The following ADAM17 variants were observed in gnomAD, a reference collection of about 807,000 sequenced individuals.
ADAM17 encodes the protein disintegrin and metalloproteinase domain-containing protein 17.
A neutral mutation model predicts 96.7 loss-of-function variants in ADAM17; 39 were observed. That is an observed-to-expected ratio of 0.40 (90% CI 0.31 to 0.53). ADAM17 has a LOEUF of 0.53. Among genes scored for constraint, ADAM17 ranks in the 20% least tolerant of loss-of-function variants. The probability of loss-of-function intolerance (pLI) is 0.44; values close to 1 mark genes in which losing one functional copy is unlikely to be tolerated. For missense variants in ADAM17, 777 were observed against 1,013.2 expected (o/e 0.77, Z 3.17); for synonymous variants, 344 against 359.2 (o/e 0.96, Z 0.48).
intron 11 of ADAM17, among the ~76,000 whole-genome samples, chr2:9,508,616 T>G (rs1663550670): frequency 6.6e-6 from 1 of 152,214 alleles, no homozygotes; most frequent in Non-Finnish European, 1.5e-5. Flanking sequence ...AGGCAAACAT[T>G]ATTAAAAATT....
chr2:9,505,334 T>C lies in ADAM17; in HGVS notation c.1376A>G (p.Tyr459Cys), dbSNP rs201873770. 1.6e-5 allele frequency: 26 copies of C among 1,614,166 alleles called. No homozygotes were observed. Among genetic ancestry groups the C allele is most frequent in the Non-Finnish European group, 2.1e-5 (25 of 1,180,022 alleles). The change falls in exon 12 of 19, where the codon TAT becomes TGT. Residue 459 changes from tyrosine to cysteine, a missense_variant. Physicochemically the swap from Tyr to Cys is radical, Grantham distance 194. This residue lies in a region of ADAM17 where 446 missense variants were observed against 664.7 expected (regional missense o/e 0.67). Transcript: ENST00000310823. ...MFSNCSKQSI[Y>C]KTIESKAQEC... ...CTGGGCCTTACTTTCAATGGTCTTA[T>C]AGATTGATTGTTTACTGCAGTTTGA...
At chr2:9,532,638 A>ATTTTTTTTTTT (rs70948827) in intron 4 of ADAM17, among the ~76,000 whole-genome samples, 1 of 114,284 alleles carries the variant, frequency 8.8e-6, no homozygotes, top group African/African-American at 3.6e-5. Context: ...TGCCCAGCTA[A>ATTTTTTTTTTT]TTTTTTTTTT....
At chr2:9,514,518 AATATATATATATATATATAT>A (rs70948826) in intron 10 of ADAM17, among the ~76,000 whole-genome samples, 4,562 of 89,770 alleles carry the variant, frequency 0.051, 426 homozygotes, top group East Asian at 0.38. Context: ...TTAAAATATA[AATATATATATATATATATAT>A]ATATATATAT....
At chr2:9,493,508 G>A (rs1222473810) in intron 16 of ADAM17, among the ~76,000 whole-genome samples, 1 of 152,168 alleles carries the variant, frequency 6.6e-6, no homozygotes. Flanking sequence ...GGTAAAGAAG[G>A]AAGCCAGTAT....
In ADAM17 at chr2:9,490,448, G is replaced by A; in HGVS notation, c.2204C>T (p.Thr735Ile). Residue 735 changes from threonine to isoleucine, a missense_variant, in exon 19 of 19, where the codon ACT becomes ATT. Thr to Ile is a moderately conservative substitution (Grantham distance 89, BLOSUM62 -1). Coordinates refer to ENST00000310823, the MANE Select transcript of ADAM17 (RefSeq NM_003183.6). ...RIIKPFPAPQ[T>I]PGRLQPAPVI... ...AGGGGCAGGCTGCAGGCGGCCTGGAGTCTGGGGCGCAGGAAAGGGTTTGAT... is the reference window on the plus strand; with the variant it reads ...AGGGGCAGGCTGCAGGCGGCCTGGAATCTGGGGCGCAGGAAAGGGTTTGAT... The A allele has an allele frequency of 6.2e-7, 1 of 1,614,180 alleles. No homozygotes were observed. Among genetic ancestry groups the A allele is most frequent in the East Asian group, 2.2e-5 (1 of 44,876 alleles).
Position 9,489,898 on chromosome 2 carries a change from A to T in ADAM17, c.*279T>A, listed in dbSNP as rs1661970574. 2 of 358,604 alleles carry T rather than the reference A, an allele frequency of 5.6e-6. No individual in the cohort carries two copies. The highest frequency in any genetic ancestry group is 4.2e-5 in the Admixed American group (1 of 24,030). 22.2% of individuals were successfully genotyped at this position (358,604 alleles called of 1,614,324 possible). On this transcript the variant is annotated 3_prime_UTR_variant, in exon 19 of 19. Transcript: ENST00000310823. ...CAAAAACGTAAATATTCATAACCCAATCCAGCTGTATTTTCTGCTTTTGCA... is the reference window on the plus strand; with the variant it reads ...CAAAAACGTAAATATTCATAACCCATTCCAGCTGTATTTTCTGCTTTTGCA...
chr2:9,548,492 A>G (rs1481592308), intron 1 of ADAM17, among the ~76,000 whole-genome samples: 2 of 152,092 alleles, frequency 1.3e-5, no homozygotes, highest in African/African-American at 4.8e-5. Flanking sequence ...TAAAAAAAAA[A>G]AAAAGAAAAC....
intron 10 of ADAM17, among the ~76,000 whole-genome samples, chr2:9,511,087 C>T (rs1185185916): frequency 6.6e-6 from 1 of 152,044 alleles, no homozygotes; most frequent in African/African-American, 2.4e-5. Flanking sequence ...ACATGCCCCT[C>T]GGCCCAATCA....
intron 1 of ADAM17, 26 bp downstream of exon 1, chr2:9,555,483 C>CTAAG: frequency 6.5e-7 from 1 of 1,549,554 alleles, no homozygotes; most frequent in Admixed American, 2.0e-5. Context: ...AGGCGCCGGC[C>CTAAG]TAAGCCAACT....
intron 5 of ADAM17, 21 bp from the exon 6 acceptor site, chr2:9,526,265 C>G: frequency 6.2e-7 from 1 of 1,600,458 alleles, no homozygotes; most frequent in Non-Finnish European, 8.5e-7. Context: ...TTTGTATGCA[C>G]TATTAAATCA....
intron 10 of ADAM17, among the ~76,000 whole-genome samples, chr2:9,515,272 G>A (rs1237600193): frequency 5.3e-5 from 8 of 152,114 alleles, no homozygotes; most frequent in African/African-American, 1.4e-4. Flanking sequence ...TAGCCTTTCA[G>A]ACTGGCTTAT....
At position 9,502,252 on chromosome 2, in the gene ADAM17, T is replaced by G; in HGVS notation, c.1569A>C (p.Lys523Asn). 6.2e-7 allele frequency: 1 copy of G among 1,613,952 alleles called. No homozygotes were observed. Reference protein sequence around the residue: ...QCSDRNSPCCKNCQFETAQKK... With the variant: ...QCSDRNSPCCNNCQFETAQKK... ...TCTGGGCAGTCTCAAACTGACAGTT[T>G]TTACAGCAAGGACTGTTCCTGTCAC... is the stretch of plus-strand genomic sequence containing the variant. The change falls in exon 13 of 19, where the codon AAA becomes AAC. Residue 523 changes from lysine to asparagine, a missense_variant. Transcript: ENST00000310823.
intron 1 of ADAM17, among the ~76,000 whole-genome samples, chr2:9,554,269 T>G (rs1225121037): frequency 6.6e-6 from 1 of 152,172 alleles, no homozygotes; most frequent in Non-Finnish European, 1.5e-5. Flanking sequence ...TTTATTCTTT[T>G]TACTAACATT....
intron 14 of ADAM17, among the ~76,000 whole-genome samples, chr2:9,495,344 G>C (rs979934773): frequency 6.6e-6 from 1 of 152,254 alleles, no homozygotes; most frequent in Non-Finnish European, 1.5e-5. Flanking sequence ...AAGAATGGCA[G>C]AAATGCCAGA....
chr2:9,532,324 C>T (rs1324768001), intron 4 of ADAM17, among the ~76,000 whole-genome samples: 3 of 152,054 alleles, frequency 2.0e-5, no homozygotes, highest in African/African-American at 7.2e-5. Flanking sequence ...CCAATCACCA[C>T]ACTTATGAAC....
intron 4 of ADAM17, among the ~76,000 whole-genome samples, chr2:9,535,218 C>T (rs1231910252): frequency 6.6e-6 from 1 of 152,288 alleles, no homozygotes; most frequent in East Asian, 1.9e-4. Context: ...TTAGTGATAT[C>T]ACCACCACCA....
Position 9,490,271 on chromosome 2 carries a change from T to C in ADAM17, c.2381A>G (p.Asp794Gly). Reference sequence around the variant, plus strand: ...TCTGGTGACCGGATGGTCCGTGAGATCCTCAAATGACTTGGCAGCTGTGCT... The same window carrying C: ...TCTGGTGACCGGATGGTCCGTGAGACCCTCAAATGACTTGGCAGCTGTGCT... ...NSSTAAKSFE[D>G]LTDHPVTRSE... The change falls in exon 19 of 19, where the codon GAT (aspartate) becomes GGT (glycine). Residue 794 changes from aspartate (D) to glycine (G), a missense_variant. Transcript: ENST00000310823. 1 of 1,614,136 alleles carries C rather than the reference T, an allele frequency of 6.2e-7. No homozygotes were observed. The highest frequency in any genetic ancestry group is 1.1e-5 in the South Asian group (1 of 91,086).
chr2:9,494,776 G>T lies in ADAM17; in HGVS notation c.1784-9C>A. On this transcript the variant is annotated splice_polypyrimidine_tract_variant and intron_variant, in intron 14 of 18. Transcript: ENST00000310823. ...GCAGGAGTTGTCAGTTTCTGGAACA[G>T]AGAACACGCATTGACAGCTGGATTG... 1 of 1,613,768 alleles carries T rather than the reference G, an allele frequency of 6.2e-7. No homozygotes were observed. Among genetic ancestry groups the T allele is most frequent in the South Asian group, 1.1e-5 (1 of 91,030 alleles).
At chr2:9,545,446 T>A (rs564152243) in intron 1 of ADAM17, among the ~76,000 whole-genome samples, 1 of 152,206 alleles carries the variant, frequency 6.6e-6, no homozygotes, top group African/African-American at 2.4e-5. Flanking sequence ...AGCAGACGCC[T>A]ATAATCCCAG....
Sources: allele counts gnomAD v4.1 joint callset (sites outside exome capture counted in the v4.1 genomes callset), GRCh38; gene constraint gnomAD v4.1.1; regional missense constraint gnomAD v4.1.1; transcripts MANE v1.5; gene names NCBI Gene and HGNC (gene_info 2026-07-23, HGNC 2026-07-21).